Variants in PHF2 observed in about 807,000 individuals in gnomAD.
PHF2 encodes lysine-specific demethylase PHF2.
PHF2 carries 27 observed loss-of-function variants against 120.5 expected under a neutral mutation model. The observed-to-expected ratio is 0.22, with a 90% CI of 0.17 to 0.31. The LOEUF is 0.31. Among genes scored for constraint, PHF2 ranks in the 10% least tolerant of loss-of-function variants. The probability of loss-of-function intolerance (pLI) is 1.00; values close to 1 mark genes in which losing one functional copy is unlikely to be tolerated. For synonymous variants in PHF2, 568 were observed against 592.5 expected (o/e 0.96, Z 0.60); for missense variants, 1,024 against 1,434.8 (o/e 0.71, Z 4.63).
In PHF2 at chr9:93,662,911, CAA is replaced by C; in HGVS notation, c.1705_1706del (p.Lys569GlufsTer16). On this transcript the variant is annotated frameshift_variant, in exon 13 of 22. Transcript: ENST00000359246. LOFTEE classifies it high-confidence loss of function. Reference sequence around the variant, plus strand: ...CACAGCAGCCCTTTTTTCTAGGCCACAAAGAGTGTCCTGAGTGTGCCCAACAA... The same window carrying C: ...CACAGCAGCCCTTTTTTCTAGGCCACAGAGTGTCCTGAGTGTGCCCAACAA... 1 of 1,613,926 alleles carries C rather than the reference CAA, an allele frequency of 6.2e-7. No homozygotes were observed. Among genetic ancestry groups the C allele is most frequent in the Non-Finnish European group, 8.5e-7 (1 of 1,179,904 alleles).
intron 2 of PHF2, among the ~76,000 whole-genome samples, chr9:93,634,443 G>A (rs1826057548): frequency 1.3e-5 from 2 of 152,186 alleles, no homozygotes; most frequent in Admixed American, 1.3e-4. Flanking sequence ...TTAAGAAGCA[G>A]GGGCTCCCAA....
At chr9:93,664,646 T>A (rs1826642670) in intron 14 of PHF2, among the ~76,000 whole-genome samples, 1 of 152,214 alleles carries the variant, frequency 6.6e-6, no homozygotes, top group Non-Finnish European at 1.5e-5. Flanking sequence ...GCGAGGCCAT[T>A]CAGCCAAGGG....
Position 93,656,675 on chromosome 9 carries a change from T to A in PHF2, c.1147+80T>A, listed in dbSNP as rs75555279. The A allele has an allele frequency of 0.018, 17,386 of 969,700 alleles. 486 individuals are homozygous for A. Among genetic ancestry groups the A allele is most frequent in the East Asian group, 0.11 (4,410 of 41,384 alleles). 60.1% of individuals were successfully genotyped at this position (969,700 alleles called of 1,614,324 possible). A position where few individuals can be genotyped will look rare whatever the true frequency, so the allele number is the denominator to read the frequency against. On this transcript the variant is annotated intron_variant, in intron 9 of 21. Transcript: ENST00000359246. The surrounding 1 kb of genome is among the most constrained non-coding windows in gnomAD (Gnocchi z 4.1). ...AGCCAGACCTGGTCAGGGCTGACTG[T>A]CTGGGTGTGAGTGCCGCCTTCCTGT...
At position 93,662,976 on chromosome 9, in the gene PHF2, G is replaced by A. The variant is rs1197879326; in HGVS notation, c.1768G>A (p.Glu590Lys). 1 of 1,614,116 alleles carries A rather than the reference G, an allele frequency of 6.2e-7. No individual in the cohort carries two copies. ...CATGCAGAATGATGTGGAGAGGCTG[G>A]AAATTCGAGAGCAAACCAAGAGCAA... is the stretch of plus-strand genomic sequence containing the variant. Reference protein sequence around the residue: ...VHMQNDVERLEIREQTKSKSE... With the variant: ...VHMQNDVERLKIREQTKSKSE... Residue 590 changes from glutamate to lysine, a missense_variant, in exon 13 of 22, where the codon GAA (glutamate) becomes AAA (lysine). Around this residue, in one of 2 missense-constraint regions of PHF2, gnomAD observed 677 missense variants for 857.4 expected, o/e 0.79. Coordinates refer to ENST00000359246, the MANE Select transcript of PHF2 (RefSeq NM_005392.4).
chr9:93,676,696 A>G lies in PHF2; in HGVS notation c.2935A>G (p.Thr979Ala), dbSNP rs971576492. ...STSISAGTTS[T>A]STTPASTTPA... ...CTCCATCTCTGCCGGCACCACCTCC[A>G]CCTCCACCACGCCAGCCTCTACCAC... Residue 979 changes from threonine (T) to alanine (A), a missense_variant, in exon 21 of 22, where the codon ACC (threonine) becomes GCC (alanine). Physicochemically the swap from Thr to Ala is moderately conservative, Grantham distance 58 (BLOSUM62 0). Around this residue, in one of 2 missense-constraint regions of PHF2, gnomAD observed 677 missense variants for 857.4 expected, o/e 0.79. Coordinates refer to ENST00000359246, the MANE Select transcript of PHF2 (RefSeq NM_005392.4). 3 of 1,091,668 alleles carry G rather than the reference A, an allele frequency of 2.7e-6. No homozygotes were observed. The highest frequency in any genetic ancestry group is 2.2e-5 in the Admixed American group (1 of 46,116). The allele number at this position is 1,091,668 out of a possible 1,614,324, so 67.6% of individuals were successfully genotyped here.
At position 93,587,760 on chromosome 9, in the gene PHF2, A is replaced by G. The variant is rs1238567787; in HGVS notation, c.98+10889A>G. Among the ~76,000 whole-genome samples the G allele has an allele frequency of 2.0e-5, 3 of 152,108 alleles. No individual in the cohort carries two copies. The South Asian group carries it at 6.2e-4, about 32-fold the overall frequency. ...TTTGGTCTGGAGGTTCTCATGGGAC[A>G]GTGTTGTTATGTGACTCTCATGATC... On this transcript the variant is annotated intron_variant, in intron 1 of 21. Coordinates refer to ENST00000359246, the MANE Select transcript of PHF2 (RefSeq NM_005392.4).
chr9:93,624,660 TTGG>T (rs1475691385), intron 1 of PHF2, among the ~76,000 whole-genome samples: 4 of 129,006 alleles, frequency 3.1e-5, no homozygotes, highest in African/African-American at 9.1e-5. Flanking sequence ...GGTGATGGTG[TTGG>T]TGGTGATGGT....
Position 93,656,968 on chromosome 9 carries a change from G to A in PHF2, c.1147+373G>A, listed in dbSNP as rs1211447413. Among the ~76,000 whole-genome samples the A allele has an allele frequency of 6.6e-6, 1 of 152,078 alleles. No individual in the cohort carries two copies. The highest frequency in any genetic ancestry group is 2.4e-5 in the African/African-American group (1 of 41,404). On this transcript the variant is annotated intron_variant, in intron 9 of 21. Transcript: ENST00000359246. This position sits in a 1 kb window ranked among gnomAD's most constrained non-coding sequence, Gnocchi z 4.1. Reference sequence around the variant, plus strand: ...CCAGCTGAGGAGTGGGTGCGAGTGGGCTCTGGGTCCCCTTAGGCTCCCTCA... The same window carrying A: ...CCAGCTGAGGAGTGGGTGCGAGTGGACTCTGGGTCCCCTTAGGCTCCCTCA...
At chr9:93,631,116 T>C (rs1175191235) in intron 2 of PHF2, among the ~76,000 whole-genome samples, 2 of 151,912 alleles carry the variant, frequency 1.3e-5, no homozygotes, top group African/African-American at 2.4e-5. Flanking sequence ...ATGCGGGCAA[T>C]AGGTGGAAGG....
intron 18 of PHF2, 56 bp from the exon 19 acceptor site, chr9:93,674,871 C>T (rs1826879846): frequency 7.5e-7 from 1 of 1,337,414 alleles, no homozygotes; most frequent in South Asian, 1.2e-5. Context: ...CCCCGCCCTC[C>T]TCCGTGGACC....
At chr9:93,653,846 C>G (rs1460574934) in intron 6 of PHF2, among the ~76,000 whole-genome samples, 1 of 152,166 alleles carries the variant, frequency 6.6e-6, no homozygotes, top group East Asian at 1.9e-4. Flanking sequence ...GCTGTGGGCT[C>G]CCCCAGCTGC....
At chr9:93,590,123 C>T (rs73651270) in intron 1 of PHF2, among the ~76,000 whole-genome samples, 7,342 of 152,248 alleles carry the variant, frequency 0.048, 607 homozygotes, top group African/African-American at 0.17. Flanking sequence ...ATTTTAAAAT[C>T]GTCAGATTGG....
chr9:93,672,956 A>T (rs1826835428), intron 17 of PHF2, among the ~76,000 whole-genome samples: 1 of 150,310 alleles, frequency 6.7e-6, no homozygotes, highest in Non-Finnish European at 1.5e-5. Flanking sequence ...ACGTATGGGT[A>T]TAGGAGTAGG....
At chr9:93,590,571 C>T (rs1472587164) in intron 1 of PHF2, among the ~76,000 whole-genome samples, 1 of 152,234 alleles carries the variant, frequency 6.6e-6, no homozygotes, top group African/African-American at 2.4e-5. Context: ...GCTTTATTTT[C>T]CCCATAAACT....
intron 6 of PHF2, 84 bp from the exon 7 acceptor site, chr9:93,654,329 A>G (rs913460802): frequency 1.1e-5 from 15 of 1,321,730 alleles, no homozygotes; most frequent in Non-Finnish European, 1.6e-5. Context: ...TGGGCAGGGT[A>G]CTTTTCACGT....
Position 93,645,799 on chromosome 9 carries a change from A to G in PHF2, c.460+10A>G, listed in dbSNP as rs753182804. 8 of 1,572,478 alleles carry G rather than the reference A, an allele frequency of 5.1e-6. No homozygotes were observed. In the East Asian group the frequency reaches 1.6e-4, roughly 31 times the overall value. On this transcript the variant is annotated intron_variant, in intron 4 of 21. Coordinates refer to ENST00000359246, the MANE Select transcript of PHF2 (RefSeq NM_005392.4). ...GTCGAGAACTACGTGGGTAAGCGCC[A>G]TCCCCTTCACAGTGCTCTGGGGCTG... is the stretch of plus-strand genomic sequence containing the variant.
In PHF2 at chr9:93,656,162, G is replaced by T. The variant is rs1587710150; in HGVS notation, c.1040+141G>T. 1 of 678,186 alleles carries T rather than the reference G, an allele frequency of 1.5e-6. No homozygotes were observed. 42.0% of individuals were successfully genotyped at this position (678,186 alleles called of 1,614,324 possible). A position where few individuals can be genotyped will look rare whatever the true frequency, so the allele number is the denominator to read the frequency against. ...TGGACATGACCGTCAGCCTCGGTGG[G>T]CCTCTTTGTGATGTGGAGGGAAGGA... On this transcript the variant is annotated intron_variant, in intron 8 of 21. Coordinates refer to ENST00000359246, the MANE Select transcript of PHF2 (RefSeq NM_005392.4). This position sits in a 1 kb window ranked among gnomAD's most constrained non-coding sequence, Gnocchi z 4.1.
At chr9:93,607,281 G>C (rs1047346344) in intron 1 of PHF2, among the ~76,000 whole-genome samples, 9 of 151,832 alleles carry the variant, frequency 5.9e-5, no homozygotes, top group African/African-American at 2.2e-4. Flanking sequence ...GTTGTTTTTT[G>C]TTTGTTTTGA....
At chr9:93,624,627 G>T (rs111207194) in intron 1 of PHF2, among the ~76,000 whole-genome samples, 1 of 148,776 alleles carries the variant, frequency 6.7e-6, no homozygotes, top group African/African-American at 2.5e-5. Context: ...AGATGATGAT[G>T]ATAATGATGG....
Sources: gnomAD v4.1 joint callset for allele counts (sites outside exome capture counted in the v4.1 genomes callset) on GRCh38, gnomAD v4.1.1 for gene constraint, gnomAD v4.1.1 regional missense constraint, Gnocchi (gnomAD v3.1) non-coding constraint, MANE v1.5 for transcripts, NCBI Gene and HGNC (gene_info 2026-07-23, HGNC 2026-07-21) for gene names.